Variants in SMG6 observed in about 807,000 individuals in gnomAD.
SMG6 encodes the protein SMG6 nonsense mediated mRNA decay factor, also known as telomerase-binding protein EST1A.
Under a neutral mutation model 142.2 loss-of-function variants are expected in SMG6, and 66 were observed. The ratio of observed to expected loss-of-function variants is 0.46; its 90% confidence interval spans 0.38 to 0.57. The LOEUF is 0.57. SMG6 is among the 20% of genes least tolerant of loss of function. SMG6 has a pLI of 0.00. For synonymous variants in SMG6, 779 were observed against 702.4 expected, an observed-to-expected ratio of 1.11 and a Z score of -1.72; for missense variants, 1,793 against 1,832.0, an observed-to-expected ratio of 0.98 and a Z score of 0.39.
intron 13 of SMG6, among the ~76,000 whole-genome samples, chr17:2,130,861 G>A (rs914581049): frequency 1.3e-5 from 2 of 151,992 alleles, no homozygotes; most frequent in Non-Finnish European, 2.9e-5. Context: ...AAAATTAGCT[G>A]GGCGTGGTGG....
Position 2,065,582 on chromosome 17 carries a change from G to T in SMG6, c.3933C>A (p.Ile1311=). The change falls in exon 17 of 19, where the codon ATC becomes ATA. Residue 1311 remains isoleucine (I), a synonymous_variant. Coordinates refer to ENST00000263073, the MANE Select transcript of SMG6 (RefSeq NM_017575.5). The stretch of plus-strand genomic sequence containing the variant: ...TCTCGAATCGCTGCTCGAGGAACTC[G>T]ATGGACTTGCGGGCCTTCTCTTGTA... ...RVVQEKARKS[I]EFLEQRFESR... 1.2e-6 allele frequency: 2 copies of T among 1,614,118 alleles called. No individual in the cohort carries two copies. Among genetic ancestry groups the T allele is most frequent in the African/African-American group, 1.3e-5 (1 of 75,068 alleles).
At chr17:2,230,119 G>GAGGTTGCA (rs1469809896) in intron 10 of SMG6, among the ~76,000 whole-genome samples, 1 of 141,872 alleles carries the variant, frequency 7.0e-6, no homozygotes, top group East Asian at 2.1e-4. Flanking sequence ...CCAGGAGGCA[G>GAGGTTGCA]AGGTTGCAGT....
intron 13 of SMG6, among the ~76,000 whole-genome samples, chr17:2,109,221 C>A (rs1296285482): frequency 6.6e-6 from 1 of 151,966 alleles, no homozygotes; most frequent in East Asian, 1.9e-4. Context: ...TATATTCTCA[C>A]AGGATTTGAA....
rs143973027 is a variant in SMG6 at position 2,191,116 on chromosome 17, G to A, written c.2870-2601C>T. Among the ~76,000 whole-genome samples, 72 of 152,300 alleles carry A rather than the reference G, an allele frequency of 4.7e-4. 1 individual carries two copies. In the East Asian group the frequency reaches 0.014, roughly 29 times the overall value. Reference sequence around the variant, plus strand: ...CAAATAAAACATGGTCTCTGCAACCGTAGGACCTTTCAATAGGGTAAAGAA... The same window carrying A: ...CAAATAAAACATGGTCTCTGCAACCATAGGACCTTTCAATAGGGTAAAGAA... On this transcript the variant is annotated intron_variant, in intron 10 of 18. Transcript: ENST00000263073.
At chr17:2,226,275 C>A (rs1364663570) in intron 10 of SMG6, among the ~76,000 whole-genome samples, 24 of 143,730 alleles carry the variant, frequency 1.7e-4, no homozygotes, top group Non-Finnish European at 1.5e-4. Context: ...AACTCCGTCT[C>A]AAAAAAAAAA....
At chr17:2,155,366 A>T (rs561688415) in intron 13 of SMG6, among the ~76,000 whole-genome samples, 4 of 152,318 alleles carry the variant, frequency 2.6e-5, no homozygotes, top group Admixed American at 2.6e-4. Context: ...ATGAACCAAG[A>T]AATCTGTCAT....
Position 2,292,564 on chromosome 17 carries a change from C to T in SMG6, c.2325G>A (p.Leu775=), listed in dbSNP as rs1346617127. ...CAGGATTTCTTACCGTATACACTGC[C>T]AGCAAAGCCAACTGGTTATAGGGGC... ...NGRPYNQLAL[L]AVYTRRKLDA... is the part of the protein sequence containing the mutation. Residue 775 remains leucine (L), a synonymous_variant, in exon 6 of 19, where the codon CTG becomes CTA. Transcript: ENST00000263073. 6.2e-7 allele frequency: 1 copy of T among 1,614,210 alleles called. No individual in the cohort carries two copies. The highest frequency in any genetic ancestry group is 2.2e-5 in the East Asian group (1 of 44,886).
intron 10 of SMG6, among the ~76,000 whole-genome samples, chr17:2,210,997 G>C (rs1048464351): frequency 2.0e-5 from 3 of 151,224 alleles, no homozygotes; most frequent in Non-Finnish European, 4.4e-5. Context: ...ACAAACTGCC[G>C]GGGTACTTGA....
rs551038758 is a variant in SMG6 at position 2,285,875 on chromosome 17, A to G, written c.2338-2140T>C. Among the ~76,000 whole-genome samples, 4 of 151,698 alleles carry G rather than the reference A, an allele frequency of 2.6e-5. No homozygotes were observed. In the East Asian group the frequency reaches 7.8e-4, roughly 29 times the overall value. ...TTTTAGTAGAGATGGGGTTTCACCA[A>G]GTTAGCCAGGCTGGTCTGGAACTCA... On this transcript the variant is annotated intron_variant, in intron 6 of 18. Coordinates refer to ENST00000263073, the MANE Select transcript of SMG6 (RefSeq NM_017575.5).
intron 13 of SMG6, among the ~76,000 whole-genome samples, chr17:2,151,530 C>G (rs2070825184): frequency 6.6e-6 from 1 of 152,194 alleles, no homozygotes; most frequent in East Asian, 1.9e-4. Context: ...GAGAAATGGT[C>G]AGATCTCCAG....
chr17:2,260,609 G>A (rs887528671), intron 8 of SMG6, among the ~76,000 whole-genome samples: 16 of 152,092 alleles, frequency 1.1e-4, no homozygotes, highest in Non-Finnish European at 1.8e-4. Flanking sequence ...CACAAAGCAA[G>A]GAAAACATGG....
rs540329223 is a variant in SMG6, at chr17:2,131,150, G to C, written c.3357+41508C>G. 3.3e-5 allele frequency among the ~76,000 whole-genome samples: 5 copies of C among 152,318 alleles called. No individual in the cohort carries two copies. The East Asian group carries it at 7.7e-4, about 23-fold the overall frequency. The stretch of plus-strand genomic sequence containing the variant: ...CATATTTGCTATTAAATGAATGCCA[G>C]TGGTCTTGTTTTAATTAAAATTTTA... On this transcript the variant is annotated intron_variant, in intron 13 of 18. Coordinates refer to ENST00000263073, the MANE Select transcript of SMG6 (RefSeq NM_017575.5).
chr17:2,297,744 A>T (rs766834342), intron 3 of SMG6, 119 bp downstream of exon 3: 118 of 1,144,734 alleles, frequency 1.0e-4, no homozygotes, highest in Non-Finnish European at 1.4e-4. Flanking sequence ...GAACCCAAGA[A>T]AAGGGCAGTT....
chr17:2,220,196 G>A (rs535916859), intron 10 of SMG6, among the ~76,000 whole-genome samples: 16 of 152,042 alleles, frequency 1.1e-4, no homozygotes, highest in South Asian at 4.2e-4. Context: ...GAGCCACCAC[G>A]CTTGGCCTAT....
At position 2,186,675 on chromosome 17, in the gene SMG6, T is replaced by A; in HGVS notation, c.3143A>T (p.Asp1048Val). The change falls in exon 12 of 19, where the codon GAT becomes GTT. Residue 1048 changes from aspartate to valine, a missense_variant. By Grantham distance (152) the Asp-to-Val change is radical (BLOSUM62 -3). Coordinates refer to ENST00000263073, the MANE Select transcript of SMG6 (RefSeq NM_017575.5). ...CAGGTCAACTCACTGCGAGGGCAGATCCAGGGATGTGGGAGGAGGATTCCA... is the reference window on the plus strand; with the variant it reads ...CAGGTCAACTCACTGCGAGGGCAGAACCAGGGATGTGGGAGGAGGATTCCA... ...DTWNPPPTSLDLPSHVAVDVW... is the reference protein window; with the variant it reads ...DTWNPPPTSLVLPSHVAVDVW... The A allele has an allele frequency of 6.2e-7, 1 of 1,614,178 alleles. No homozygotes were observed. The highest frequency in any genetic ancestry group is 8.5e-7 in the Non-Finnish European group (1 of 1,180,022).
intron 8 of SMG6, among the ~76,000 whole-genome samples, chr17:2,279,904 C>T (rs2074746633): frequency 6.6e-6 from 1 of 152,126 alleles, no homozygotes; most frequent in African/African-American, 2.4e-5. Context: ...CTCGCCCCAG[C>T]CTTCCCTAAC....
chr17:2,292,424 G>C (rs2075058093), intron 6 of SMG6, 128 bp downstream of exon 6: 1 of 899,934 alleles, frequency 1.1e-6, no homozygotes, highest in Non-Finnish European at 1.8e-6. Context: ...AACAAAAGGA[G>C]TTTGAGGGGA....
intron 10 of SMG6, chr17:2,213,979 C>T (rs2072938448): frequency 6.6e-6 from 1 of 152,228 alleles, no homozygotes. Flanking sequence ...TACTGAACTA[C>T]ACTGTTTGGG....
intron 6 of SMG6, among the ~76,000 whole-genome samples, chr17:2,287,306 T>A (rs939573502): frequency 2.0e-5 from 3 of 152,170 alleles, no homozygotes; most frequent in African/African-American, 7.2e-5. Context: ...TATGAAAAAA[T>A]GCTCATCATT....
Sources: allele counts gnomAD v4.1 joint callset (sites outside exome capture counted in the v4.1 genomes callset), GRCh38; gene constraint gnomAD v4.1.1; transcripts MANE v1.5; gene names NCBI Gene and HGNC (gene_info 2026-07-23, HGNC 2026-07-21).